Variants in RPS11 observed in about 807,000 individuals in gnomAD.
The protein encoded by RPS11 is ribosomal protein S11.
For synonymous variants in RPS11, 107 were observed against 78.0 expected, an observed-to-expected ratio of 1.37 and a Z score of -1.96; for missense variants, 127 against 211.4, an observed-to-expected ratio of 0.60 and a Z score of 2.48.
At chr19:49,497,170 C>T in intron 1 of RPS11, 24 bp from the exon 2 acceptor site, 1 of 1,610,402 alleles carries the variant, frequency 6.2e-7, no homozygotes, top group Non-Finnish European at 8.5e-7. Flanking sequence ...AGCAGCTCAT[C>T]AGTTTTCTCC....
At chr19:49,498,190 C>T (rs1455441161) in intron 4 of RPS11, 144 bp downstream of exon 4, 7 of 860,440 alleles carry the variant, frequency 8.1e-6, no homozygotes, top group Admixed American at 4.3e-5. Flanking sequence ...ATTTGTATAT[C>T]ATATGTTCTT....
intron 1 of RPS11, among the ~76,000 whole-genome samples, chr19:49,496,937 A>G (rs1047971281): frequency 6.6e-6 from 1 of 152,070 alleles, no homozygotes; most frequent in Non-Finnish European, 1.5e-5. Context: ...TTAGAGGATG[A>G]ATTTTGCAAT....
At chr19:49,497,843 G>A in intron 3 of RPS11, 74 bp from the exon 4 acceptor site, 2 of 1,595,252 alleles carry the variant, frequency 1.3e-6, no homozygotes, top group South Asian at 2.2e-5. Context: ...CTGCTTCTGA[G>A]TCCCAGCATG....
At chr19:49,498,126 A>G (rs8108814) in intron 4 of RPS11, 80 bp downstream of exon 4, 3 of 1,507,986 alleles carry the variant, frequency 2.0e-6, no homozygotes, top group Non-Finnish European at 2.8e-6. Flanking sequence ...TTTAAGGCCA[A>G]CTGAGGGAGG....
chr19:49,498,860 A>G (rs545078671), intron 4 of RPS11, among the ~76,000 whole-genome samples: 19 of 152,332 alleles, frequency 1.2e-4, no homozygotes, highest in African/African-American at 4.1e-4. Context: ...ATGTCATACC[A>G]GATGGGAACC....
chr19:49,497,888 C>T (rs752948655), intron 3 of RPS11, 29 bp from the exon 4 acceptor site: 34 of 1,613,942 alleles, frequency 2.1e-5, no homozygotes, highest in East Asian at 4.5e-5. Flanking sequence ...TCCCATGGGA[C>T]CTGACCTATG....
intron 1 of RPS11, 91 bp from the exon 2 acceptor site, chr19:49,497,103 G>C: frequency 1.4e-6 from 2 of 1,467,086 alleles, no homozygotes; most frequent in Non-Finnish European, 1.9e-6. Context: ...GTAGAGCATG[G>C]GGTCTGGGAG....
At chr19:49,497,369 G>A (rs757986087) in intron 2 of RPS11, 44 bp downstream of exon 2, 49 of 1,612,570 alleles carry the variant, frequency 3.0e-5, no homozygotes, top group East Asian at 4.5e-5. Flanking sequence ...TGGCGTTCCT[G>A]CACGTGTGCC....
chr19:49,497,369 GCACGTGTGC>G (rs1568692164), intron 2 of RPS11, 44 bp downstream of exon 2: 40 of 1,612,454 alleles, frequency 2.5e-5, no homozygotes, highest in Non-Finnish European at 3.2e-5. Context: ...TGGCGTTCCT[GCACGTGTGC>G]CCACGACGAG....
rs1219820998 is a variant in RPS11 at position 49,496,485 on chromosome 19, G to A, written c.15+14G>A. 5 of 1,609,352 alleles carry A rather than the reference G, an allele frequency of 3.1e-6. No individual in the cohort carries two copies. Among genetic ancestry groups the A allele is most frequent in the Non-Finnish European group, 4.2e-6 (5 of 1,177,970 alleles). On this transcript the variant is annotated intron_variant, in intron 1 of 4. Transcript: ENST00000270625. Reference sequence around the variant, plus strand: ...GCGGACATTCAGGTGCGGACTCGGGGTTGGATGCCAGGGTGCGGGGTCCGC... The same window carrying A: ...GCGGACATTCAGGTGCGGACTCGGGATTGGATGCCAGGGTGCGGGGTCCGC...
chr19:49,498,150 G>A, intron 4 of RPS11, 104 bp downstream of exon 4: 4 of 1,271,554 alleles, frequency 3.1e-6, no homozygotes, highest in Non-Finnish European at 4.5e-6. Flanking sequence ...AGACTGAGGT[G>A]GCATCTCTGG....
At chr19:49,497,827 G>A in intron 3 of RPS11, 90 bp from the exon 4 acceptor site, 1 of 1,571,110 alleles carries the variant, frequency 6.4e-7, no homozygotes, top group South Asian at 1.1e-5. Context: ...TGGGATCCCT[G>A]CTCAGCTGCT....
intron 4 of RPS11, chr19:49,498,335 T>C: frequency 4.7e-6 from 2 of 428,970 alleles, no homozygotes; most frequent in Non-Finnish European, 8.7e-6. Context: ...ATTTGTTTCA[T>C]ATACACCTTA....
chr19:49,499,411 G>A (rs1413307887), intron 4 of RPS11, 101 bp from the exon 5 acceptor site: 20 of 1,333,046 alleles, frequency 1.5e-5, no homozygotes, highest in Non-Finnish European at 1.8e-5. Flanking sequence ...GTTTGGTGGA[G>A]CCGAAGCAGA....
intron 4 of RPS11, among the ~76,000 whole-genome samples, chr19:49,499,017 G>A (rs1223872183): frequency 6.6e-6 from 1 of 152,216 alleles, no homozygotes; most frequent in East Asian, 1.9e-4. Context: ...CCTTCAAGCA[G>A]TGTGGGTGCC....
At chr19:49,496,578 G>C (rs1666013642) in intron 1 of RPS11, 107 bp downstream of exon 1, 2 of 1,211,244 alleles carry the variant, frequency 1.7e-6, no homozygotes, top group South Asian at 2.9e-5. Flanking sequence ...AATTCCGGGC[G>C]TCCGTGATTA....
At position 49,499,574 on chromosome 19, in the gene RPS11, G is replaced by A. The variant is rs777616693; in HGVS notation, c.416G>A (p.Arg139His). The change falls in exon 5 of 5, where the codon CGC becomes CAC. Residue 139 changes from arginine to histidine, a missense_variant. Transcript: ENST00000270625. ...TGCCGGCCTCTGAGCAAGACAGTGC[G>A]CTTCAACGTGCTCAAGGTCACCAAG... The part of the protein sequence containing the change: ...GECRPLSKTV[R>H]FNVLKVTKAA... 1.9e-6 allele frequency: 3 copies of A among 1,614,032 alleles called. No individual in the cohort carries two copies. Among genetic ancestry groups the A allele is most frequent in the Non-Finnish European group, 2.5e-6 (3 of 1,179,928 alleles).
intron 4 of RPS11, 35 bp from the exon 5 acceptor site, chr19:49,499,477 C>G: frequency 6.3e-7 from 1 of 1,596,908 alleles, no homozygotes; most frequent in Non-Finnish European, 8.6e-7. Context: ...CTGGGGTGGC[C>G]CCTCCTGAGG....
chr19:49,498,364 A>C (rs1946325335), intron 4 of RPS11: 1 of 350,322 alleles, frequency 2.9e-6, no homozygotes, highest in African/African-American at 2.1e-5. Flanking sequence ...GCCTGAAAGT[A>C]GTCTTACGCA....
Sources: allele counts gnomAD v4.1 joint callset (sites outside exome capture counted in the v4.1 genomes callset), GRCh38; gene constraint gnomAD v4.1.1; transcripts MANE v1.5; gene names NCBI Gene and HGNC (gene_info 2026-07-23, HGNC 2026-07-21).